Variants in ELFN2 observed in about 807,000 individuals in gnomAD.
ELFN2 encodes the protein extracellular leucine rich repeat and fibronectin type III domain containing 2, also known as protein phosphatase 1 regulatory subunit 29.
A neutral mutation model predicts 45.5 loss-of-function variants in ELFN2; 17 were observed. That is an observed-to-expected ratio of 0.37 (90% CI 0.26 to 0.56). The LOEUF (loss-of-function observed/expected upper bound fraction) is 0.56, where lower values mean the gene tolerates loss of function less well. Among genes scored for constraint, ELFN2 ranks in the 20% least tolerant of loss-of-function variants. The pLI, the probability that ELFN2 is intolerant of heterozygous loss-of-function variation, is 0.77. For synonymous variants in ELFN2, 550 were observed against 551.5 expected (o/e 1.00, Z 0.04); for missense variants, 922 against 1,183.2 (o/e 0.78, Z 3.24).
At position 37,373,220 on chromosome 22, in the gene ELFN2, C is replaced by T. The variant is rs141641460; in HGVS notation, c.2315G>A (p.Arg772His). 2.3e-4 allele frequency: 366 copies of T among 1,613,762 alleles called. No homozygotes were observed. Among genetic ancestry groups the T allele is most frequent in the Non-Finnish European group, 3.0e-4 (352 of 1,180,002 alleles). The change falls in exon 3 of 3, where the codon CGC (arginine) becomes CAC (histidine). Residue 772 changes from arginine (R) to histidine (H), a missense_variant. Arg to His is a conservative substitution (Grantham distance 29). Around this residue, in one of 2 missense-constraint regions of ELFN2, gnomAD observed 564 missense variants for 642.8 expected, o/e 0.88. Coordinates refer to ENST00000402918, the MANE Select transcript of ELFN2 (RefSeq NM_052906.5). ...SSESTHKIWE[R>H]FRPYKKHHRE... ...GTGGTGCTTCTTGTAGGGCCGGAAG[C>T]GCTCCCAGATCTTGTGCGTGCTCTC...
At chr22:37,405,090 A>AT (rs745621772) in intron 2 of ELFN2, among the ~76,000 whole-genome samples, 7,135 of 123,790 alleles carry the variant, frequency 0.058, 451 homozygotes, top group Admixed American at 0.18. Flanking sequence ...GAACCTCAGC[A>AT]TTTTTTTTTT....
intron 1 of ELFN2, among the ~76,000 whole-genome samples, chr22:37,419,383 G>A (rs1357700276): frequency 6.6e-6 from 1 of 151,968 alleles, no homozygotes; most frequent in Non-Finnish European, 1.5e-5. Context: ...CACCCAGACA[G>A]AATCCACACA....
At chr22:37,398,483 C>T (rs1382366422) in intron 2 of ELFN2, among the ~76,000 whole-genome samples, 3 of 152,212 alleles carry the variant, frequency 2.0e-5, no homozygotes, top group African/African-American at 7.2e-5. Flanking sequence ...GGCCCCTTCC[C>T]CCTACCCCAG....
intron 1 of ELFN2, among the ~76,000 whole-genome samples, chr22:37,345,486 G>A (rs1379436959): frequency 6.6e-6 from 1 of 151,914 alleles, no homozygotes; most frequent in African/African-American, 2.4e-5. Context: ...CCACAGCCCT[G>A]AGGCACACCT....
At chr22:37,385,047 C>T (rs1931910416) in intron 2 of ELFN2, 1 of 152,314 alleles carries the variant, frequency 6.6e-6, no homozygotes, top group South Asian at 2.1e-4. Context: ...GCTTCCCTGC[C>T]CTCCAGTACC....
intron 2 of ELFN2, among the ~76,000 whole-genome samples, chr22:37,399,581 G>A (rs1228530295): frequency 1.4e-4 from 19 of 133,330 alleles, no homozygotes; most frequent in African/African-American, 2.4e-4. Context: ...CACCTCCACC[G>A]ACCACGGGGA....
At chr22:37,344,941 G>A (rs552982562) in intron 1 of ELFN2, among the ~76,000 whole-genome samples, 30 of 152,218 alleles carry the variant, frequency 2.0e-4, no homozygotes, top group African/African-American at 6.7e-4. Context: ...CTGCCAGGGG[G>A]CCCTCCCCGT....
intron 1 of ELFN2, among the ~76,000 whole-genome samples, chr22:37,357,868 G>A (rs929411157): frequency 3.3e-5 from 5 of 152,088 alleles, no homozygotes; most frequent in African/African-American, 9.7e-5. Flanking sequence ...TACTGTCATC[G>A]ACTTCCTCTT....
chr22:37,410,315 G>T (rs902418230), intron 2 of ELFN2, among the ~76,000 whole-genome samples: 141 of 152,288 alleles, frequency 9.3e-4, no homozygotes, highest in African/African-American at 3.2e-3. Flanking sequence ...TGCGGGAAGT[G>T]AAAGTGCCCA....
At chr22:37,384,187 T>C (rs1349049579) in intron 2 of ELFN2, among the ~76,000 whole-genome samples, 2 of 152,034 alleles carry the variant, frequency 1.3e-5, no homozygotes, top group Non-Finnish European at 2.9e-5. Context: ...GGTCTTGGCC[T>C]TGGCAAACCA....
intron 2 of ELFN2, among the ~76,000 whole-genome samples, chr22:37,377,232 C>T (rs576043780): frequency 1.3e-5 from 2 of 152,242 alleles, no homozygotes; most frequent in South Asian, 4.1e-4. Context: ...TCAGGGGAGA[C>T]TTGGCCAGGT....
At chr22:37,418,709 G>A (rs1057134438) in intron 1 of ELFN2, among the ~76,000 whole-genome samples, 3 of 151,770 alleles carry the variant, frequency 2.0e-5, no homozygotes, top group African/African-American at 7.3e-5. Context: ...AGGGAACAAA[G>A]ACACCCTCGC....
chr22:37,406,290 G>A (rs1175449537), intron 2 of ELFN2, among the ~76,000 whole-genome samples: 4 of 152,222 alleles, frequency 2.6e-5, no homozygotes, highest in African/African-American at 4.8e-5. Flanking sequence ...CAGCAGTTAC[G>A]ATCGGTGATT....
intron 2 of ELFN2, among the ~76,000 whole-genome samples, chr22:37,392,040 C>G (rs1932098491): frequency 6.6e-6 from 1 of 152,254 alleles, no homozygotes; most frequent in South Asian, 2.1e-4. Flanking sequence ...GGCAACTCCC[C>G]TTTAAAAACT....
At chr22:37,360,703 C>T (rs1028621633) in intron 1 of ELFN2, among the ~76,000 whole-genome samples, 17 of 152,106 alleles carry the variant, frequency 1.1e-4, no homozygotes, top group African/African-American at 2.9e-4. Context: ...CTCCTTAGAC[C>T]GAAAGCAGCT....
At chr22:37,366,223 G>A (rs1215604119), downstream of ELFN2, among the ~76,000 whole-genome samples, 1 of 152,220 alleles carries the variant, frequency 6.6e-6, no homozygotes, top group Non-Finnish European at 1.5e-5. Context: ...AATGTGCTCT[G>A]TTTAGAAACA....
intron 2 of ELFN2, among the ~76,000 whole-genome samples, chr22:37,380,327 C>T (rs1455316778): frequency 1.9e-5 from 1 of 54,002 alleles, no homozygotes; most frequent in African/African-American, 1.4e-4. Context: ...TGCAGGCCCT[C>T]TCCGAGCCTG....
At chr22:37,344,082 C>CTATGG (rs1930631475) in intron 1 of ELFN2, among the ~76,000 whole-genome samples, 1 of 114,330 alleles carries the variant, frequency 8.7e-6, no homozygotes, top group Non-Finnish European at 1.8e-5. Flanking sequence ...TGCCCCCTGC[C>CTATGG]CAACCCCACC....
intron 2 of ELFN2, among the ~76,000 whole-genome samples, chr22:37,393,340 C>T (rs985437063): frequency 2.0e-5 from 3 of 152,258 alleles, no homozygotes; most frequent in African/African-American, 7.2e-5. Context: ...AGCCTCCACT[C>T]GCACCTGGGC....
Sources: gnomAD v4.1 joint callset for allele counts (sites outside exome capture counted in the v4.1 genomes callset) on GRCh38, gnomAD v4.1.1 for gene constraint, gnomAD v4.1.1 regional missense constraint, MANE v1.5 for transcripts, NCBI Gene and HGNC (gene_info 2026-07-23, HGNC 2026-07-21) for gene names.